CCBE1: variants seen among roughly 807,000 people sequenced by gnomAD.
CCBE1 encodes the protein collagen and calcium-binding EGF domain-containing protein 1.
Under a neutral mutation model 50.0 loss-of-function variants are expected in CCBE1, and 37 were observed. The observed-to-expected ratio is 0.74, with a 90% CI of 0.57 to 0.97. The LOEUF (loss-of-function observed/expected upper bound fraction) is 0.97, where lower values mean the gene tolerates loss of function less well. Among genes scored for constraint, CCBE1 ranks in the 50% least tolerant of loss-of-function variants. The pLI is 0.00. For missense variants in CCBE1, 538 were observed against 523.8 expected, an observed-to-expected ratio of 1.03 and a Z score of -0.26; for synonymous variants, 234 against 203.7, an observed-to-expected ratio of 1.15 and a Z score of -1.27.
intron 3 of CCBE1, among the ~76,000 whole-genome samples, chr18:59,470,055 C>T (rs1911956293): frequency 6.6e-6 from 1 of 152,122 alleles, no homozygotes; most frequent in Non-Finnish European, 1.5e-5. Context: ...GTCAGGCAGG[C>T]TCAGAGAGGT....
chr18:59,502,693 C>G (rs557312671), intron 2 of CCBE1, among the ~76,000 whole-genome samples: 2 of 151,128 alleles, frequency 1.3e-5, no homozygotes, highest in African/African-American at 4.9e-5. Context: ...CCCCTCCCCC[C>G]GCAAAAAAAA....
intron 2 of CCBE1, among the ~76,000 whole-genome samples, chr18:59,660,529 C>A (rs917160143): frequency 6.6e-6 from 1 of 152,094 alleles, no homozygotes; most frequent in African/African-American, 2.4e-5. Flanking sequence ...AGAGCAAAGC[C>A]TTTTTGAGCC....
At chr18:59,651,600 T>A (rs1316594401) in intron 2 of CCBE1, among the ~76,000 whole-genome samples, 1 of 152,236 alleles carries the variant, frequency 6.6e-6, no homozygotes, top group African/African-American at 2.4e-5. Context: ...TTTCCTGAGA[T>A]GGAACGTGAT....
chr18:59,539,825 G>T (rs989071804), intron 2 of CCBE1, among the ~76,000 whole-genome samples: 3 of 152,140 alleles, frequency 2.0e-5, no homozygotes, highest in African/African-American at 7.2e-5. Context: ...AATTGGTCAT[G>T]TTTTTCCAGA....
chr18:59,555,990 T>C (rs1007064244), intron 2 of CCBE1, among the ~76,000 whole-genome samples: 3 of 152,194 alleles, frequency 2.0e-5, no homozygotes, highest in African/African-American at 4.8e-5. Flanking sequence ...AAGCACACTT[T>C]ACAGATCTCA....
At position 59,592,438 on chromosome 18, in the gene CCBE1, A is replaced by G. The variant is rs569438089; in HGVS notation, c.212+104191T>C. ...AAAGGCAACTCAAAACCCGTATTTA[A>G]GAGACAGATTGAATGAACTATGGCA... On this transcript the variant is annotated intron_variant, in intron 2 of 10. Coordinates refer to ENST00000439986, the MANE Select transcript of CCBE1 (RefSeq NM_133459.4). Among the ~76,000 whole-genome samples, 9 of 152,332 alleles carry G rather than the reference A, an allele frequency of 5.9e-5. No homozygotes were observed. In the East Asian group the frequency reaches 1.5e-3, roughly 26 times the overall value.
chr18:59,440,515 G>T (rs1293074558), intron 7 of CCBE1, among the ~76,000 whole-genome samples: 1 of 151,928 alleles, frequency 6.6e-6, no homozygotes, highest in Non-Finnish European at 1.5e-5. Flanking sequence ...GCCCATTTTT[G>T]ATATTTCTAT....
chr18:59,644,912 C>G (rs563164298), intron 2 of CCBE1, among the ~76,000 whole-genome samples: 1 of 152,230 alleles, frequency 6.6e-6, no homozygotes, highest in Non-Finnish European at 1.5e-5. Context: ...ATCTCAAATT[C>G]TTTCAATTCT....
chr18:59,676,082 G>A (rs559712641), intron 2 of CCBE1, among the ~76,000 whole-genome samples: 59 of 152,248 alleles, frequency 3.9e-4, no homozygotes, highest in African/African-American at 1.4e-3. Context: ...TATAGCCCCC[G>A]TAAATTAGCT....
At chr18:59,467,113 G>T (rs540927018) in intron 4 of CCBE1, among the ~76,000 whole-genome samples, 1 of 152,226 alleles carries the variant, frequency 6.6e-6, no homozygotes, top group South Asian at 2.1e-4. Context: ...CAGTGATGGG[G>T]TTCCTGGCTG....
chr18:59,600,392 T>C (rs2053413372), intron 2 of CCBE1, among the ~76,000 whole-genome samples: 1 of 151,948 alleles, frequency 6.6e-6, no homozygotes. Context: ...GATTCTACAT[T>C]ATGGTGAGTT....
At position 59,433,668 on chromosome 18, in the gene CCBE1, G is replaced by C. The variant is rs965443996; in HGVS notation, c.*2240C>G. ...CGCCCAGGCTGGAGTGCAGTGGCACGATCTCGGCTCAGCGCAAGCTCCGCC... is the reference window on the plus strand; with the variant it reads ...CGCCCAGGCTGGAGTGCAGTGGCACCATCTCGGCTCAGCGCAAGCTCCGCC... On this transcript the variant is annotated 3_prime_UTR_variant, in exon 11 of 11. Coordinates refer to ENST00000439986, the MANE Select transcript of CCBE1 (RefSeq NM_133459.4). 6.7e-6 allele frequency: 1 copy of C among 149,764 alleles called. No individual in the cohort carries two copies. The highest frequency in any genetic ancestry group is 1.5e-5 in the Non-Finnish European group (1 of 67,602). The allele number at this position is 149,764 out of a possible 1,614,324, so 9.3% of individuals were successfully genotyped here. A position where few individuals can be genotyped will look rare whatever the true frequency, so the allele number is the denominator to read the frequency against.
At chr18:59,651,523 A>C (rs1451376962) in intron 2 of CCBE1, among the ~76,000 whole-genome samples, 1 of 152,222 alleles carries the variant, frequency 6.6e-6, no homozygotes, top group Non-Finnish European at 1.5e-5. Flanking sequence ...ATTTTTCTGC[A>C]CTATTAGTTT....
chr18:59,436,178 A>C, intron 10 of CCBE1, 37 bp from the exon 11 acceptor site: 1 of 1,586,520 alleles, frequency 6.3e-7, no homozygotes, highest in Non-Finnish European at 8.7e-7. Context: ...AGAATACGAC[A>C]GACAGCAATG....
intron 2 of CCBE1, among the ~76,000 whole-genome samples, chr18:59,692,955 AGCACACACACACACACAC>A (rs774380208): frequency 0.015 from 2,139 of 142,924 alleles, 32 homozygotes; most frequent in Non-Finnish European, 0.019. Context: ...GTCAAGCCAA[AGCACACACACACACACAC>A]ACACACACAC....
chr18:59,625,396 G>A (rs959808779), intron 2 of CCBE1, among the ~76,000 whole-genome samples: 8 of 140,342 alleles, frequency 5.7e-5, no homozygotes, highest in Admixed American at 7.5e-5. Context: ...GCGCCACTGC[G>A]CTCCAGCCTG....
intron 2 of CCBE1, among the ~76,000 whole-genome samples, chr18:59,488,187 G>A (rs1375737247): frequency 6.6e-6 from 1 of 152,208 alleles, no homozygotes; most frequent in East Asian, 1.9e-4. Flanking sequence ...GGACTGTAAA[G>A]ACGGAGTTAG....
intron 2 of CCBE1, among the ~76,000 whole-genome samples, chr18:59,604,295 G>T (rs1185014831): frequency 1.3e-5 from 2 of 152,228 alleles, no homozygotes; most frequent in Non-Finnish European, 2.9e-5. Context: ...GTCCAAGGGT[G>T]CAGAGCCTGT....
chr18:59,577,186 G>A (rs573133085), intron 2 of CCBE1, among the ~76,000 whole-genome samples: 1 of 152,336 alleles, frequency 6.6e-6, no homozygotes, highest in South Asian at 2.1e-4. Context: ...CGAAGGTTGA[G>A]AGAGAAAAGG....
Sources: allele counts gnomAD v4.1 joint callset (sites outside exome capture counted in the v4.1 genomes callset), GRCh38; gene constraint gnomAD v4.1.1; transcripts MANE v1.5; gene names NCBI Gene and HGNC (gene_info 2026-07-23, HGNC 2026-07-21).